Variants in OSBPL9 observed in about 807,000 individuals in gnomAD.
OSBPL9 encodes the protein oxysterol-binding protein-related protein 9.
OSBPL9 carries 40 observed loss-of-function variants against 106.6 expected under a neutral mutation model. The ratio of observed to expected loss-of-function variants is 0.38; its 90% CI spans 0.29 to 0.49. OSBPL9 has a LOEUF of 0.49. Ranked by LOEUF, OSBPL9 falls within the 20% of genes least tolerant of loss-of-function variation. The probability of loss-of-function intolerance (pLI) is 0.97; values close to 1 mark genes in which losing one functional copy is unlikely to be tolerated. For synonymous variants in OSBPL9, 269 were observed against 295.4 expected (o/e 0.91, Z 0.92); for missense variants, 609 against 887.2 (o/e 0.69, Z 3.98).
At chr1:51,528,626 C>T in the OSBPL9 span, among the ~76,000 whole-genome samples, 1 of 151,964 alleles carries the variant, frequency 6.6e-6, no homozygotes, top group Non-Finnish European at 1.5e-5. Context: ...AACCCCAGCA[C>T]TTTGGGAGGT....
chr1:51,749,381 T>C (rs1668745406), intron 7 of OSBPL9: 1 of 210,644 alleles, frequency 4.7e-6, no homozygotes, highest in Admixed American at 4.0e-5. Flanking sequence ...GGTGCAGTCA[T>C]AGCTCACTGC....
chr1:51,577,828 A>G (rs1645195453), intron 1 of OSBPL9, among the ~76,000 whole-genome samples: 1 of 152,186 alleles, frequency 6.6e-6, no homozygotes, highest in Non-Finnish European at 1.5e-5. Context: ...ATCTTGCCCA[A>G]AAGCCCAGTT....
intron 1 of OSBPL9, among the ~76,000 whole-genome samples, chr1:51,639,023 C>T (rs1450405931): frequency 6.6e-6 from 1 of 151,816 alleles, no homozygotes; most frequent in African/African-American, 2.4e-5. Flanking sequence ...AGTGTATCTT[C>T]GTAGAATTTT....
intron 15 of OSBPL9, among the ~76,000 whole-genome samples, chr1:51,779,716 A>C (rs1287679046): frequency 6.6e-6 from 1 of 152,208 alleles, no homozygotes; most frequent in Non-Finnish European, 1.5e-5. Context: ...AAACAAAAAC[A>C]AATAATCCCA....
At chr1:51,623,726 C>T (rs1330886895) in intron 1 of OSBPL9, among the ~76,000 whole-genome samples, 1 of 152,064 alleles carries the variant, frequency 6.6e-6, no homozygotes, top group Non-Finnish European at 1.5e-5. Flanking sequence ...AAAAATCTAC[C>T]ATCTAATTAT....
the OSBPL9 span, among the ~76,000 whole-genome samples, chr1:51,545,441 C>T: frequency 6.6e-6 from 1 of 152,078 alleles, no homozygotes; most frequent in Admixed American, 6.5e-5. Flanking sequence ...GGCGTGGTGG[C>T]ATACACCTGT....
rs377613544 is a variant in OSBPL9 at position 51,739,317 on chromosome 1, C to T, written c.319-6219C>T. Among the ~76,000 whole-genome samples the T allele has an allele frequency of 3.3e-5, 5 of 152,078 alleles. No homozygotes were observed. In the East Asian group the frequency reaches 9.6e-4, roughly 29 times the overall value. On this transcript the variant is annotated intron_variant, in intron 4 of 23. Transcript: ENST00000428468. ...ACAGGTTTAATATCTGTCTACCTTA[C>T]TGTATTATAATGCTCAAATGAGAAA...
chr1:51,519,351 A>G, the OSBPL9 span: 1 of 360,674 alleles, frequency 2.8e-6, no homozygotes, highest in Non-Finnish European at 4.9e-6. Flanking sequence ...GTCTCCCCTA[A>G]CTTCCACAAC....
the OSBPL9 span, chr1:51,519,284 G>A: frequency 1.0e-5 from 11 of 1,092,502 alleles, no homozygotes; most frequent in Non-Finnish European, 1.3e-5. Context: ...CTGGGGCTCG[G>A]GGCGGGGAGG....
rs865862474 is a variant in OSBPL9 at position 51,788,471 on chromosome 1, G to T, written c.*682G>T. ...TTTTTCCAACCTTTTTTTTAAAAAT[G>T]TGCATCTTTTATTATCTTTTATGGT... On this transcript the variant is annotated 3_prime_UTR_variant, in exon 24 of 24. Transcript: ENST00000428468. The T allele has an allele frequency of 6.6e-6, 1 of 152,176 alleles. No individual in the cohort carries two copies. Among genetic ancestry groups the T allele is most frequent in the Non-Finnish European group, 1.5e-5 (1 of 67,938 alleles). The allele number at this position is 152,176 out of a possible 1,614,324, so 9.4% of individuals were successfully genotyped here. A position where few individuals can be genotyped will look rare whatever the true frequency, so the allele number is the denominator to read the frequency against.
chr1:51,655,466 A>G (rs1646762920), intron 2 of OSBPL9, among the ~76,000 whole-genome samples: 1 of 152,162 alleles, frequency 6.6e-6, no homozygotes, highest in South Asian at 2.1e-4. Context: ...CTGACTTCCC[A>G]TTCGGCTATC....
At position 51,714,128 on chromosome 1, in the gene OSBPL9, T is replaced by C. The variant is rs747662506; in HGVS notation, c.318+49T>C. The C allele has an allele frequency of 7.8e-6, 11 of 1,402,324 alleles. No homozygotes were observed. The East Asian group carries it at 2.3e-4, about 30-fold the overall frequency. The allele number at this position is 1,402,324 out of a possible 1,614,324, so 86.9% of individuals were successfully genotyped here. A position where few individuals can be genotyped will look rare whatever the true frequency, so the allele number is the denominator to read the frequency against. ...AGATAGTTCATTAGTTGTTGCTTTC[T>C]TTTTTTGTCTGTTTTCTGTTTTTTT... On this transcript the variant is annotated intron_variant, in intron 4 of 23. Coordinates refer to ENST00000428468, the MANE Select transcript of OSBPL9 (RefSeq NM_024586.6).
chr1:51,621,046 A>G (rs1028353344), intron 1 of OSBPL9, among the ~76,000 whole-genome samples: 19 of 152,178 alleles, frequency 1.2e-4, no homozygotes, highest in Non-Finnish European at 4.4e-5. Context: ...AAAATTTTTA[A>G]CATTCATAAA....
intron 1 of OSBPL9, among the ~76,000 whole-genome samples, chr1:51,583,125 A>T (rs1484635356): frequency 6.6e-6 from 1 of 152,078 alleles, no homozygotes; most frequent in Non-Finnish European, 1.5e-5. Flanking sequence ...ATAATATAAT[A>T]TCAGGCAATA....
At chr1:51,766,128 T>A (rs1027430718) in intron 12 of OSBPL9, 147 bp downstream of exon 12, 8 of 853,906 alleles carry the variant, frequency 9.4e-6, no homozygotes, top group Non-Finnish European at 1.4e-5. Flanking sequence ...ATAGAAGTTT[T>A]TTTATTGATG....
intron 4 of OSBPL9, among the ~76,000 whole-genome samples, chr1:51,727,199 C>T (rs369143688): frequency 2.6e-4 from 38 of 148,216 alleles, no homozygotes; most frequent in African/African-American, 9.3e-4. Flanking sequence ...AATTAAGTCC[C>T]TAGGGCTGCC....
rs866015973 is a variant in OSBPL9, at chr1:51,788,124, A to G, written c.*335A>G. The G allele has an allele frequency of 6.6e-5, 18 of 272,922 alleles. No homozygotes were observed. The South Asian group carries it at 1.0e-3, about 15-fold the overall frequency. The allele number at this position is 272,922 out of a possible 1,614,324, so 16.9% of individuals were successfully genotyped here. The stretch of plus-strand genomic sequence containing the variant: ...CTCTAGTACTGCTGTTAAGATACAC[A>G]ACTTGTTTCTTAGTTCATATAATCT... On this transcript the variant is annotated 3_prime_UTR_variant, in exon 24 of 24. Transcript: ENST00000428468.
chr1:51,786,848 G>A (rs1677763126), intron 22 of OSBPL9, among the ~76,000 whole-genome samples: 1 of 152,186 alleles, frequency 6.6e-6, no homozygotes, highest in Admixed American at 6.5e-5. Flanking sequence ...AAGGCCTTGA[G>A]AGGAAGCCAC....
the OSBPL9 span, among the ~76,000 whole-genome samples, chr1:51,531,382 AG>A: frequency 6.6e-6 from 1 of 152,264 alleles, no homozygotes; most frequent in South Asian, 2.1e-4. Flanking sequence ...AACAAATATA[AG>A]ATTATTGCAA....
Sources: allele counts gnomAD v4.1 joint callset (sites outside exome capture counted in the v4.1 genomes callset), GRCh38; gene constraint gnomAD v4.1.1; transcripts MANE v1.5; gene names NCBI Gene and HGNC (gene_info 2026-07-23, HGNC 2026-07-21).